The following ASB5 variants were observed in gnomAD, a reference collection of about 807,000 sequenced individuals.
ASB5 encodes the protein ankyrin repeat and SOCS box protein 5.
ASB5 carries 45 observed loss-of-function variants against 42.1 expected under a neutral mutation model. The ratio of observed to expected loss-of-function variants is 1.07; its 90% CI spans 0.84 to 1.37. ASB5 has a LOEUF of 1.37. ASB5 is among the 40% of genes most tolerant of loss of function. The pLI is 0.00. For missense variants in ASB5, 402 were observed against 399.8 expected (o/e 1.01, Z -0.05); for synonymous variants, 147 against 150.6 (o/e 0.98, Z 0.18).
At chr4:176,237,854 A>G (rs1293335503) in intron 1 of ASB5, among the ~76,000 whole-genome samples, 1 of 152,232 alleles carries the variant, frequency 6.6e-6, no homozygotes, top group African/African-American at 2.4e-5. Flanking sequence ...CAGACAGAAT[A>G]TTGCAGCCAG....
rs113500246 is a variant in ASB5, at chr4:176,248,563, T to C, written c.196+20350A>G. Among the ~76,000 whole-genome samples the C allele has an allele frequency of 4.8e-3, 724 of 152,222 alleles. 6 individuals are homozygous for C. Among genetic ancestry groups the C allele is most frequent in the African/African-American group, 0.016 (683 of 41,530 alleles). On this transcript the variant is annotated intron_variant, in intron 1 of 6. Transcript: ENST00000296525. ...TACACAGGCCCTATGACCTGGAAATTTCACTTCTAGAGCTATAAAAACTTA... is the reference window on the plus strand; with the variant it reads ...TACACAGGCCCTATGACCTGGAAATCTCACTTCTAGAGCTATAAAAACTTA...
chr4:176,262,891 AT>A (rs1239863201), intron 1 of ASB5, among the ~76,000 whole-genome samples: 1 of 152,190 alleles, frequency 6.6e-6, no homozygotes, highest in East Asian at 1.9e-4. Flanking sequence ...ACCTATGTCA[AT>A]TTTTTAACTT....
intron 1 of ASB5, among the ~76,000 whole-genome samples, chr4:176,232,196 C>T (rs958604107): frequency 6.6e-6 from 1 of 151,194 alleles, no homozygotes; most frequent in Non-Finnish European, 1.5e-5. Flanking sequence ...GATCTCGGCT[C>T]ACTGCAACCT....
chr4:176,258,740 T>G (rs569510828), intron 1 of ASB5, among the ~76,000 whole-genome samples: 1 of 152,350 alleles, frequency 6.6e-6, no homozygotes, highest in East Asian at 1.9e-4. Context: ...TTTGTAGTCA[T>G]TTTGTACATG....
intron 1 of ASB5, among the ~76,000 whole-genome samples, chr4:176,263,512 G>A (rs150018459): frequency 6.6e-6 from 1 of 151,986 alleles, no homozygotes. Flanking sequence ...AAAAAAAATA[G>A]TAGCACTTTT....
At chr4:176,247,172 A>T (rs569061558) in intron 1 of ASB5, among the ~76,000 whole-genome samples, 4 of 152,276 alleles carry the variant, frequency 2.6e-5, no homozygotes, top group African/African-American at 9.6e-5. Context: ...ATAATAAAAC[A>T]TTATTGGGAG....
chr4:176,228,208 A>G (rs955643015), intron 1 of ASB5, among the ~76,000 whole-genome samples: 1 of 152,218 alleles, frequency 6.6e-6, no homozygotes, highest in Non-Finnish European at 1.5e-5. Flanking sequence ...TTGTCTACAC[A>G]GTCTTTATTA....
intron 5 of ASB5, among the ~76,000 whole-genome samples, chr4:176,219,518 T>TA (rs1753124645): frequency 3.1e-5 from 2 of 65,182 alleles, no homozygotes; most frequent in Non-Finnish European, 3.2e-5. Flanking sequence ...AATATATATA[T>TA]TTGTATGATA....
intron 1 of ASB5, among the ~76,000 whole-genome samples, chr4:176,229,593 TC>T (rs1192787802): frequency 1.3e-4 from 20 of 151,852 alleles, no homozygotes; most frequent in Admixed American, 1.3e-3. Flanking sequence ...TCCCCCTGTT[TC>T]CCCCCAGGCT....
intron 3 of ASB5, among the ~76,000 whole-genome samples, chr4:176,221,907 G>A (rs1212561673): frequency 1.3e-5 from 2 of 152,058 alleles, no homozygotes; most frequent in African/African-American, 4.8e-5. Context: ...GAGTAAAAAT[G>A]AAGAAAAAAG....
intron 1 of ASB5, among the ~76,000 whole-genome samples, chr4:176,252,001 G>A (rs1184786382): frequency 6.7e-6 from 1 of 149,340 alleles, no homozygotes; most frequent in African/African-American, 2.5e-5. Context: ...AGGACCTTGA[G>A]GCTGCAGTGA....
intron 1 of ASB5, chr4:176,237,197 T>C: frequency 1.2e-6 from 1 of 848,256 alleles, no homozygotes; most frequent in Non-Finnish European, 1.4e-6. Context: ...ATCCGCATTC[T>C]GGAAAGCACC....
At chr4:176,230,486 A>T (rs1300754249) in intron 1 of ASB5, among the ~76,000 whole-genome samples, 1 of 152,178 alleles carries the variant, frequency 6.6e-6, no homozygotes, top group African/African-American at 2.4e-5. Context: ...TCAATGAAAA[A>T]GAATCTTTTT....
chr4:176,215,737 G>T lies in ASB5; in HGVS notation c.863-10C>A. 1 of 1,601,936 alleles carries T rather than the reference G, an allele frequency of 6.2e-7. No homozygotes were observed. Among genetic ancestry groups the T allele is most frequent in the Non-Finnish European group, 8.5e-7 (1 of 1,174,934 alleles). On this transcript the variant is annotated splice_polypyrimidine_tract_variant and intron_variant, in intron 6 of 6. Transcript: ENST00000296525. ...AGAGAGCTTGGGGTAGCTACAAGAA[G>T]ACATGAATCTATTTGTTAATTAAAA...
chr4:176,252,427 C>A (rs1477885408), intron 1 of ASB5, among the ~76,000 whole-genome samples: 1 of 152,210 alleles, frequency 6.6e-6, no homozygotes, highest in Non-Finnish European at 1.5e-5. Context: ...TTTGAGTCCC[C>A]TCACTTTCTC....
At chr4:176,258,141 T>G (rs538238268) in intron 1 of ASB5, among the ~76,000 whole-genome samples, 6 of 152,374 alleles carry the variant, frequency 3.9e-5, no homozygotes, top group African/African-American at 1.4e-4. Flanking sequence ...ATATAGAAAG[T>G]TAACATCTAT....
At position 176,225,352 on chromosome 4, in the gene ASB5, A is replaced by G. The variant is rs1464103093; in HGVS notation, c.197-11T>C. On this transcript the variant is annotated splice_polypyrimidine_tract_variant and intron_variant, in intron 1 of 6. Transcript: ENST00000296525. ...GATCTGCCCAGGAACCTGTCAAAAA[A>G]GAAAAAAAGAAAGAAAAGAAAACAA... The G allele has an allele frequency of 6.2e-7, 1 of 1,609,252 alleles. No individual in the cohort carries two copies. The highest frequency in any genetic ancestry group is 1.1e-5 in the South Asian group (1 of 89,880).
chr4:176,239,757 G>T lies in ASB5; in HGVS notation c.197-14416C>A, dbSNP rs187134280. 4.3e-3 allele frequency among the ~76,000 whole-genome samples: 662 copies of T among 152,308 alleles called. 2 individuals are homozygous for T. The highest frequency in any genetic ancestry group is 0.014 in the African/African-American group (602 of 41,578). On this transcript the variant is annotated intron_variant, in intron 1 of 6. Transcript: ENST00000296525. ...TTCCAGGGCAGTGGGGAAAAAAGAA[G>T]CCATTGGATTTGAGTATAACTCACA...
At chr4:176,270,014 T>C (rs1455183434), upstream of ASB5, among the ~76,000 whole-genome samples, 1 of 152,210 alleles carries the variant, frequency 6.6e-6, no homozygotes. Flanking sequence ...TTTAGGCCTA[T>C]AATCTTTGTT....
Sources: allele counts gnomAD v4.1 joint callset (sites outside exome capture counted in the v4.1 genomes callset), GRCh38; gene constraint gnomAD v4.1.1; transcripts MANE v1.5; gene names NCBI Gene and HGNC (gene_info 2026-07-23, HGNC 2026-07-21).